The following GNAQ variants were observed in gnomAD, a reference collection of about 807,000 sequenced individuals.
GNAQ encodes G protein subunit alpha q, also known as guanine nucleotide-binding protein G(q) subunit alpha.
A neutral mutation model predicts 43.9 loss-of-function variants in GNAQ; 8 were observed. The ratio of observed to expected loss-of-function variants is 0.18; its 90% CI spans 0.11 to 0.33. GNAQ has a LOEUF of 0.33. Among genes scored for constraint, GNAQ ranks in the 10% least tolerant of loss-of-function variants. The probability of loss-of-function intolerance (pLI) is 1.00; values close to 1 mark genes in which losing one functional copy is unlikely to be tolerated. For synonymous variants in GNAQ, 155 were observed against 170.7 expected, an observed-to-expected ratio of 0.91 and a Z score of 0.71; for missense variants, 158 against 450.8, an observed-to-expected ratio of 0.35 and a Z score of 5.88.
At position 77,815,768 on chromosome 9, in the gene GNAQ, A is replaced by G. The variant is rs1827002803; in HGVS notation, c.324T>C (p.Ala108=). The change falls in exon 3 of 7, where the codon GCT becomes GCC. Residue 108 remains alanine (A), a splice_region_variant and synonymous_variant. Coordinates refer to ENST00000286548, the MANE Select transcript of GNAQ (RefSeq NM_002072.5). The part of the protein sequence containing the change: ...KIPYKYEHNK[A]HAQLVREVDV... Reference sequence around the variant, plus strand: ...CAACTTCTCGAACTAATTGTGCATGAGCCTGTTTAAATAAAAAAAGGCAGT... The same window carrying G: ...CAACTTCTCGAACTAATTGTGCATGGGCCTGTTTAAATAAAAAAAGGCAGT... The G allele has an allele frequency of 6.2e-7, 1 of 1,606,906 alleles. No homozygotes were observed. The highest frequency in any genetic ancestry group is 1.3e-5 in the African/African-American group (1 of 74,614).
chr9:77,983,625 T>A (rs1386210326), intron 1 of GNAQ, among the ~76,000 whole-genome samples: 1 of 152,216 alleles, frequency 6.6e-6, no homozygotes, highest in Non-Finnish European at 1.5e-5. Flanking sequence ...TTTGCCTCTT[T>A]CTTTCAAGGT....
intron 5 of GNAQ, among the ~76,000 whole-genome samples, chr9:77,775,409 C>CT (rs555902583): frequency 0.12 from 15,978 of 130,892 alleles, 1,296 homozygotes; most frequent in African/African-American, 0.19. Context: ...CCTCATCTCT[C>CT]TTTTTTTTTT....
intron 2 of GNAQ, among the ~76,000 whole-genome samples, chr9:77,881,693 T>A (rs775976014): frequency 2.6e-5 from 4 of 152,186 alleles, no homozygotes; most frequent in Non-Finnish European, 4.4e-5. Flanking sequence ...TGGTTGATTA[T>A]TTTTTAACAG....
chr9:77,853,149 C>T (rs1827697136), intron 2 of GNAQ, among the ~76,000 whole-genome samples: 1 of 152,100 alleles, frequency 6.6e-6, no homozygotes, highest in African/African-American at 2.4e-5. Flanking sequence ...CAGTACACTA[C>T]ATGTTATTAA....
Position 77,828,790 on chromosome 9 carries a change from G to A in GNAQ, c.322-13020C>T, listed in dbSNP as rs372179577. On this transcript the variant is annotated intron_variant, in intron 2 of 6. Coordinates refer to ENST00000286548, the MANE Select transcript of GNAQ (RefSeq NM_002072.5). ...GAAAAAGTAGTTGGAAGGCCTGGGG[G>A]AGCCTCTGTTATGGTCTAGGACCAG... is the stretch of plus-strand genomic sequence containing the variant. 3.3e-5 allele frequency among the ~76,000 whole-genome samples: 5 copies of A among 152,274 alleles called. No individual in the cohort carries two copies. In the East Asian group the frequency reaches 7.7e-4, roughly 24 times the overall value.
chr9:77,822,550 A>T (rs751251076), intron 2 of GNAQ, among the ~76,000 whole-genome samples: 26 of 152,066 alleles, frequency 1.7e-4, no homozygotes, highest in Non-Finnish European at 3.1e-4. Context: ...CAGGAAAAAC[A>T]GATAAAGAAG....
intron 5 of GNAQ, among the ~76,000 whole-genome samples, chr9:77,786,221 C>CA (rs952023049): frequency 3.3e-5 from 5 of 151,672 alleles, no homozygotes; most frequent in African/African-American, 9.7e-5. Flanking sequence ...ACTAAAAATA[C>CA]AAAAAAATTA....
intron 5 of GNAQ, among the ~76,000 whole-genome samples, chr9:77,761,810 C>T (rs1371114497): frequency 4.5e-5 from 3 of 66,222 alleles, no homozygotes; most frequent in Non-Finnish European, 9.8e-5. Flanking sequence ...AAGTGAGGAG[C>T]CCCTCTGCCC....
intron 5 of GNAQ, among the ~76,000 whole-genome samples, chr9:77,743,233 C>T (rs1460121743): frequency 6.6e-6 from 1 of 151,986 alleles, no homozygotes; most frequent in Non-Finnish European, 1.5e-5. Context: ...ACTCCAGCCT[C>T]ATGACAGAGT....
intron 5 of GNAQ, among the ~76,000 whole-genome samples, chr9:77,731,891 TCCC>T (rs1048528576): frequency 1.3e-5 from 2 of 152,172 alleles, no homozygotes; most frequent in Non-Finnish European, 2.9e-5. Context: ...CTTCTTTTTT[TCCC>T]CCCAATTAAG....
chr9:78,006,561 G>A (rs577505891), intron 1 of GNAQ, among the ~76,000 whole-genome samples: 35 of 152,250 alleles, frequency 2.3e-4, no homozygotes, highest in Middle Eastern at 6.8e-3. Flanking sequence ...ACCTTTCCAA[G>A]CATCATTCAA....
intron 2 of GNAQ, among the ~76,000 whole-genome samples, chr9:77,909,701 C>G (rs923437922): frequency 2.0e-5 from 3 of 148,002 alleles, no homozygotes; most frequent in African/African-American, 7.5e-5. Flanking sequence ...AAAAAAACAA[C>G]AACTGCATAT....
rs75553599 is a variant in GNAQ, at chr9:77,988,326, G to A, written c.136+42774C>T. Among the ~76,000 whole-genome samples the A allele has an allele frequency of 7.0e-3, 1,060 of 152,282 alleles. 18 individuals are homozygous for A. The highest frequency in any genetic ancestry group is 0.024 in the African/African-American group (980 of 41,556). ...GCTGCAGAAAGAATACCAGGAAAAC[G>A]GCTGGACACCAGAACTTCCTTCAGT... is the stretch of plus-strand genomic sequence containing the variant. On this transcript the variant is annotated intron_variant, in intron 1 of 6. Transcript: ENST00000286548.
chr9:77,908,306 C>T (rs932833896), intron 2 of GNAQ, among the ~76,000 whole-genome samples: 3 of 152,194 alleles, frequency 2.0e-5, no homozygotes, highest in South Asian at 2.1e-4. Context: ...CTTTCATTGA[C>T]ATTCTGATGC....
intron 2 of GNAQ, among the ~76,000 whole-genome samples, chr9:77,818,803 C>A (rs984856328): frequency 6.6e-6 from 1 of 151,726 alleles, no homozygotes; most frequent in African/African-American, 2.4e-5. Flanking sequence ...AGTTCAAGAC[C>A]AGCCTGGGCA....
intron 2 of GNAQ, among the ~76,000 whole-genome samples, chr9:77,844,310 G>A (rs1042907274): frequency 2.0e-5 from 3 of 152,260 alleles, no homozygotes; most frequent in Admixed American, 2.0e-4. Context: ...CCATGAAGGG[G>A]CCCACTGTTC....
At chr9:77,865,288 C>A (rs546462074) in intron 2 of GNAQ, among the ~76,000 whole-genome samples, 2 of 152,150 alleles carry the variant, frequency 1.3e-5, no homozygotes, top group Non-Finnish European at 2.9e-5. Flanking sequence ...TTTCAAGAAA[C>A]TACATGTGAC....
chr9:77,980,219 G>A (rs1277099287), intron 1 of GNAQ, among the ~76,000 whole-genome samples: 1 of 152,138 alleles, frequency 6.6e-6, no homozygotes, highest in Non-Finnish European at 1.5e-5. Flanking sequence ...GTACTATGAA[G>A]GCAGACTGTG....
At chr9:77,783,223 T>G (rs1283108179) in intron 5 of GNAQ, among the ~76,000 whole-genome samples, 2 of 152,232 alleles carry the variant, frequency 1.3e-5, no homozygotes, top group Admixed American at 1.3e-4. Flanking sequence ...GGAAGGCTAT[T>G]CCTGCATGTG....
Sources: gnomAD v4.1 joint callset for allele counts (sites outside exome capture counted in the v4.1 genomes callset) on GRCh38, gnomAD v4.1.1 for gene constraint, MANE v1.5 for transcripts, NCBI Gene and HGNC (gene_info 2026-07-23, HGNC 2026-07-21) for gene names.